Variants in SAP130 observed in about 807,000 individuals in gnomAD.
SAP130 encodes the protein Sin3A associated protein 130.
Under a neutral mutation model 103.2 loss-of-function variants are expected in SAP130, and 16 were observed. The ratio of observed to expected loss-of-function variants is 0.16; its 90% confidence interval spans 0.10 to 0.24. The LOEUF is 0.24. Among genes scored for constraint, SAP130 ranks in the 10% least tolerant of loss-of-function variants. The probability of loss-of-function intolerance (pLI) is 1.00; values close to 1 mark genes in which losing one functional copy is unlikely to be tolerated. For synonymous variants in SAP130, 477 were observed against 497.0 expected, an observed-to-expected ratio of 0.96 and a Z score of 0.53; for missense variants, 990 against 1,359.7, an observed-to-expected ratio of 0.73 and a Z score of 4.28.
chr2:127,999,490 G>C (rs1249148842), intron 10 of SAP130, among the ~76,000 whole-genome samples: 3 of 152,080 alleles, frequency 2.0e-5, no homozygotes, highest in Non-Finnish European at 4.4e-5. Flanking sequence ...TGTAGTCTCA[G>C]CTACTTGGGA....
Position 127,989,788 on chromosome 2 carries a change from A to G in SAP130, c.1556T>C (p.Met519Thr). The stretch of plus-strand genomic sequence containing the variant: ...CGATGCATCCACTGTCATCAACTGC[A>G]TGGGGTTTAGGTGGACGGTAGACGC... ...GVASTVHLNP[M>T]QLMTVDASHA... Residue 519 changes from methionine to threonine, a missense_variant, in exon 13 of 21, where the codon ATG (methionine) becomes ACG (threonine). This residue lies in a region of SAP130 where 336 missense variants were observed against 520.1 expected (regional missense o/e 0.65). Coordinates refer to ENST00000643581, the MANE Select transcript of SAP130 (RefSeq NM_001330301.2). This position sits in a 1 kb window ranked among gnomAD's most constrained non-coding sequence, Gnocchi z 4.6. The G allele has an allele frequency of 1.9e-6, 3 of 1,614,238 alleles. No individual in the cohort carries two copies. Among genetic ancestry groups the G allele is most frequent in the Non-Finnish European group, 2.5e-6 (3 of 1,180,036 alleles).
chr2:127,963,056 A>C (rs1680372984), intron 15 of SAP130, among the ~76,000 whole-genome samples: 1 of 151,982 alleles, frequency 6.6e-6, no homozygotes, highest in East Asian at 1.9e-4. Flanking sequence ...TACTGGACTT[A>C]CTTCTTTATT....
intron 15 of SAP130, among the ~76,000 whole-genome samples, chr2:127,970,215 C>T (rs927063103): frequency 2.8e-5 from 4 of 141,768 alleles, no homozygotes; most frequent in African/African-American, 1.1e-4. Flanking sequence ...GTGGGAGACT[C>T]CGTCTCAAAA....
At chr2:128,010,048 G>A (rs1684271839) in intron 7 of SAP130, among the ~76,000 whole-genome samples, 1 of 151,904 alleles carries the variant, frequency 6.6e-6, no homozygotes, top group Non-Finnish European at 1.5e-5. Flanking sequence ...CATCTAAAAA[G>A]CTACATATTT....
At chr2:127,988,529 G>A (rs2105003759) in intron 13 of SAP130, among the ~76,000 whole-genome samples, 1 of 150,106 alleles carries the variant, frequency 6.7e-6, no homozygotes, top group South Asian at 2.1e-4. Context: ...AATAATCCAA[G>A]TACATGGAAT....
At chr2:128,001,477 C>T (rs994915390) in intron 7 of SAP130, among the ~76,000 whole-genome samples, 15 of 152,272 alleles carry the variant, frequency 9.9e-5, no homozygotes, top group African/African-American at 2.9e-4. Flanking sequence ...GTTAGTTACT[C>T]GGTATTCTTA....
chr2:127,947,764 C>CTGTGTGTGAGTGTGTGTG (rs1553500425), intron 18 of SAP130, among the ~76,000 whole-genome samples: 7 of 143,312 alleles, frequency 4.9e-5, no homozygotes, highest in Non-Finnish European at 7.6e-5. Flanking sequence ...TTGTGTGTGT[C>CTGTGTGTGAGTGTGTGTG]TGTGTGTGTG....
At chr2:128,027,400 GC>G in intron 1 of SAP130, 1 of 1,108,766 alleles carries the variant, frequency 9.0e-7, no homozygotes. Flanking sequence ...TTCAGAGCCC[GC>G]CCCACCCTCC....
In SAP130 at chr2:127,996,375, C is replaced by A; in HGVS notation, c.1330G>T (p.Ala444Ser). 1 of 1,606,314 alleles carries A rather than the reference C, an allele frequency of 6.2e-7. No individual in the cohort carries two copies. The highest frequency in any genetic ancestry group is 8.5e-7 in the Non-Finnish European group (1 of 1,176,346). Residue 444 changes from alanine (A) to serine (S), a missense_variant, in exon 11 of 21, where the codon GCC becomes TCC. Physicochemically the swap from Ala to Ser is moderately conservative, Grantham distance 99 (BLOSUM62 1). This residue lies in a region of SAP130 where 336 missense variants were observed against 520.1 expected (regional missense o/e 0.65). Transcript: ENST00000643581. The surrounding 1 kb of genome is among the most constrained non-coding windows in gnomAD (Gnocchi z 4.3). ...SGHRASPNPVAMETRSDNRPS... is the reference protein window; with the variant it reads ...SGHRASPNPVSMETRSDNRPS... Reference sequence around the variant, plus strand: ...CTGTTGTCACTTCGGGTTTCCATGGCCACAGGATTGGGAGAGGCCCGATGT... The same window carrying A: ...CTGTTGTCACTTCGGGTTTCCATGGACACAGGATTGGGAGAGGCCCGATGT...
At chr2:127,997,631 T>A (rs1683261749) in intron 10 of SAP130, among the ~76,000 whole-genome samples, 1 of 151,930 alleles carries the variant, frequency 6.6e-6, no homozygotes, top group African/African-American at 2.4e-5. Flanking sequence ...ATCAGGGAGG[T>A]AAGCAGTGGG....
rs1342442533 is a variant in SAP130, at chr2:127,996,960, AAAAC to A, written c.1214-473_1214-470del. 8.5e-5 allele frequency among the ~76,000 whole-genome samples: 13 copies of A among 152,310 alleles called. No homozygotes were observed. Among genetic ancestry groups the A allele is most frequent in the East Asian group, 3.9e-4 (2 of 5,184 alleles). The stretch of plus-strand genomic sequence containing the variant: ...CACAATTTTGGATTAAAAAACGGAA[AAAAC>A]AAACAAACAAAAAACCTTGGATTCT... On this transcript the variant is annotated intron_variant, in intron 10 of 20. Transcript: ENST00000643581. This position sits in a 1 kb window ranked among gnomAD's most constrained non-coding sequence, Gnocchi z 4.3.
chr2:128,018,572 C>T (rs1009774964), intron 2 of SAP130, among the ~76,000 whole-genome samples: 9 of 151,422 alleles, frequency 5.9e-5, no homozygotes, highest in Non-Finnish European at 1.3e-4. Flanking sequence ...CAAACAGATC[C>T]CTTGAACCCA....
chr2:128,027,245 T>A, intron 1 of SAP130: 1 of 1,182,178 alleles, frequency 8.5e-7, no homozygotes, highest in Non-Finnish European at 1.0e-6. Context: ...CCAGCCCCGC[T>A]GGCCCCACTC....
chr2:127,990,292 C>A (rs1430388395), intron 12 of SAP130, among the ~76,000 whole-genome samples: 2 of 151,534 alleles, frequency 1.3e-5, no homozygotes, highest in East Asian at 3.9e-4. Context: ...GGCATGTATC[C>A]ACCAGAAACA....
At chr2:127,960,802 A>C (rs1167727524) in intron 15 of SAP130, among the ~76,000 whole-genome samples, 1 of 152,182 alleles carries the variant, frequency 6.6e-6, no homozygotes, top group African/African-American at 2.4e-5. Context: ...TATTTTGTGC[A>C]TACTTAAAAA....
chr2:127,955,135 G>A lies in SAP130; in HGVS notation c.2273C>T (p.Pro758Leu), dbSNP rs747403616. Residue 758 changes from proline to leucine, a missense_variant, in exon 16 of 21, where the codon CCC becomes CTC. Around this residue, in one of 6 missense-constraint regions of SAP130, gnomAD observed 349 missense variants for 384.1 expected, o/e 0.91. Coordinates refer to ENST00000643581, the MANE Select transcript of SAP130 (RefSeq NM_001330301.2). This position sits in a 1 kb window ranked among gnomAD's most constrained non-coding sequence, Gnocchi z 4.9. ...VALSTIPGAV[P>L]ITPPITTIAA... ...AATGGTGGTGATGGGTGGAGTGATGGGGACCGCTCCAGGAATGGTTGAAAG... is the reference window on the plus strand; with the variant it reads ...AATGGTGGTGATGGGTGGAGTGATGAGGACCGCTCCAGGAATGGTTGAAAG... 6 of 1,614,164 alleles carry A rather than the reference G, an allele frequency of 3.7e-6. No homozygotes were observed. In the South Asian group the frequency reaches 5.5e-5, roughly 15 times the overall value.
chr2:128,002,026 A>G (rs752831191), intron 7 of SAP130, among the ~76,000 whole-genome samples: 2 of 151,978 alleles, frequency 1.3e-5, no homozygotes, highest in Non-Finnish European at 2.9e-5. Flanking sequence ...TCCCAGGCAG[A>G]GGCAATTCTC....
intron 2 of SAP130, among the ~76,000 whole-genome samples, chr2:128,019,800 T>C (rs538336804): frequency 1.3e-5 from 2 of 152,016 alleles, no homozygotes; most frequent in South Asian, 4.2e-4. Context: ...GGCCAGAGAA[T>C]TGCTTGAGCC....
chr2:127,964,538 A>G (rs892461722), intron 15 of SAP130, among the ~76,000 whole-genome samples: 1 of 151,612 alleles, frequency 6.6e-6, no homozygotes, highest in Non-Finnish European at 1.5e-5. Context: ...AAAAGCCACA[A>G]TGAAAGCATT....
Sources: gnomAD v4.1 joint callset for allele counts (sites outside exome capture counted in the v4.1 genomes callset) on GRCh38, gnomAD v4.1.1 for gene constraint, gnomAD v4.1.1 regional missense constraint, Gnocchi (gnomAD v3.1) non-coding constraint, MANE v1.5 for transcripts, NCBI Gene and HGNC (gene_info 2026-07-23, HGNC 2026-07-21) for gene names.